The following ANAPC4 variants were observed in gnomAD, a reference collection of about 807,000 sequenced individuals.
ANAPC4 encodes the protein anaphase promoting complex subunit 4, also known as anaphase-promoting complex subunit 4.
ANAPC4 carries 63 observed loss-of-function variants against 119.8 expected under a neutral mutation model. The observed-to-expected ratio is 0.53, with a 90% confidence interval of 0.43 to 0.65. The LOEUF is 0.65. ANAPC4 is among the 30% of genes least tolerant of loss of function. The pLI is 0.00. For synonymous variants in ANAPC4, 283 were observed against 318.6 expected (o/e 0.89, Z 1.19); for missense variants, 716 against 945.1 (o/e 0.76, Z 3.18).
intron 18 of ANAPC4, 86 bp from the exon 19 acceptor site, chr4:25,406,743 A>G (rs1723271499): frequency 1.1e-5 from 11 of 1,034,780 alleles, no homozygotes; most frequent in Non-Finnish European, 1.4e-5. Flanking sequence ...GATAGTAAAA[A>G]TGTCACATTT....
At position 25,406,890 on chromosome 4, in the gene ANAPC4, G is replaced by A; in HGVS notation, c.1374+5G>A. 1.3e-6 allele frequency: 2 copies of A among 1,590,654 alleles called. No homozygotes were observed. Among genetic ancestry groups the A allele is most frequent in the African/African-American group, 1.3e-5 (1 of 74,304 alleles). On this transcript the variant is annotated splice_donor_5th_base_variant and intron_variant, in intron 19 of 28. Transcript: ENST00000315368. ...CTTACTGAACATTTCAATGAGGTAA[G>A]AAGTTGATATTTCTGTAATGCAGTT...
Position 25,394,723 on chromosome 4 carries a change from A to G in ANAPC4, c.984+10A>G, listed in dbSNP as rs757177507. The G allele has an allele frequency of 6.2e-7, 1 of 1,604,870 alleles. No homozygotes were observed. Among genetic ancestry groups the G allele is most frequent in the Non-Finnish European group, 8.5e-7 (1 of 1,177,398 alleles). ...TCAGTTAACAGTAAAGGTGCAGTTA[A>G]TGTATCTATGTATTCAAATGGCTAT... On this transcript the variant is annotated intron_variant, in intron 13 of 28. Coordinates refer to ENST00000315368, the MANE Select transcript of ANAPC4 (RefSeq NM_013367.3).
At position 25,380,502 on chromosome 4, in the gene ANAPC4, A is replaced by G. The variant is rs764838216; in HGVS notation, c.235+23A>G. 9 of 1,551,034 alleles carry G rather than the reference A, an allele frequency of 5.8e-6. No homozygotes were observed. In the African/African-American group the frequency reaches 1.2e-4, roughly 21 times the overall value. The stretch of plus-strand genomic sequence containing the variant: ...AACGTAATGATAATATTACAAAAAA[A>G]ATATGTTTTTATTTTCACAAAGAGT... On this transcript the variant is annotated intron_variant, in intron 3 of 28. Transcript: ENST00000315368.
chr4:25,383,445 T>C, intron 4 of ANAPC4, 52 bp downstream of exon 4: 2 of 1,485,902 alleles, frequency 1.3e-6, no homozygotes, highest in Non-Finnish European at 1.8e-6. Flanking sequence ...TTTTTATTTT[T>C]TGAAATGGAA....
intron 25 of ANAPC4, chr4:25,415,249 A>G (rs1723796125): frequency 2.4e-6 from 1 of 418,414 alleles, no homozygotes; most frequent in Non-Finnish European, 4.2e-6. Context: ...CGATGTAACC[A>G]AAAAGAAATA....
At chr4:25,397,840 T>C (rs972363129) in intron 16 of ANAPC4, among the ~76,000 whole-genome samples, 5 of 152,076 alleles carry the variant, frequency 3.3e-5, no homozygotes, top group Non-Finnish European at 7.4e-5. Flanking sequence ...TGTGGGCCTT[T>C]TAATTCATTG....
intron 4 of ANAPC4, 40 bp from the exon 5 acceptor site, chr4:25,388,460 C>G: frequency 7.4e-7 from 1 of 1,344,424 alleles, no homozygotes; most frequent in Non-Finnish European, 1.1e-6. Context: ...GAAGTAAAAT[C>G]TTTGGTGTTT....
chr4:25,378,572 A>G (rs1721541047), intron 2 of ANAPC4, among the ~76,000 whole-genome samples: 1 of 152,268 alleles, frequency 6.6e-6, no homozygotes. Context: ...CCGTGCAATC[A>G]GATGGGTAGG....
rs1057233366 is a variant in ANAPC4 at position 25,415,389 on chromosome 4, G to C, written c.1827-77G>C. The stretch of plus-strand genomic sequence containing the variant: ...TACATGTACTGACCCTGACAATCAT[G>C]TTCTTTTAAGCCTTTAGATTATTGA... On this transcript the variant is annotated intron_variant, in intron 25 of 28. Transcript: ENST00000315368. 78 of 1,134,786 alleles carry C rather than the reference G, an allele frequency of 6.9e-5. No homozygotes were observed. In the Middle Eastern group the frequency reaches 9.9e-4, roughly 14 times the overall value. 70.3% of individuals were successfully genotyped at this position (1,134,786 alleles called of 1,614,324 possible). A position where few individuals can be genotyped will look rare whatever the true frequency, so the allele number is the denominator to read the frequency against.
chr4:25,404,316 C>A (rs1383671422), intron 17 of ANAPC4, among the ~76,000 whole-genome samples: 1 of 152,084 alleles, frequency 6.6e-6, no homozygotes. Context: ...TGTTTAAGAT[C>A]CATGTTGTTA....
In ANAPC4 at chr4:25,377,406, G is replaced by A. The variant is rs373808140; in HGVS notation, c.-10-12G>A. 1.7e-5 allele frequency: 28 copies of A among 1,612,660 alleles called. No individual in the cohort carries two copies. In the African/African-American group the frequency reaches 3.7e-4, roughly 22 times the overall value. On this transcript the variant is annotated splice_polypyrimidine_tract_variant and intron_variant, in intron 1 of 28. Coordinates refer to ENST00000315368, the MANE Select transcript of ANAPC4 (RefSeq NM_013367.3). ...GGGCTCCTGCCGGCCTCTGACTGGG[G>A]TGTCGTTGCAGGGCCGTCCCCATGT... is the stretch of plus-strand genomic sequence containing the variant.
intron 28 of ANAPC4, 82 bp downstream of exon 28, chr4:25,417,821 T>C (rs1369200330): frequency 1.8e-5 from 27 of 1,508,508 alleles, no homozygotes; most frequent in Non-Finnish European, 2.4e-5. Context: ...AAATACATGA[T>C]ATATAAGGTC....
At chr4:25,394,099 G>A (rs1052456079) in intron 11 of ANAPC4, among the ~76,000 whole-genome samples, 1 of 152,198 alleles carries the variant, frequency 6.6e-6, no homozygotes, top group Admixed American at 6.5e-5. Context: ...GGACAGGATT[G>A]TGAAGTGGAG....
intron 12 of ANAPC4, 90 bp downstream of exon 12, chr4:25,394,464 AT>A (rs1281170565): frequency 8.4e-6 from 10 of 1,185,936 alleles, no homozygotes; most frequent in Non-Finnish European, 1.2e-5. Flanking sequence ...ATAGTATGTG[AT>A]TTTTTTAATT....
chr4:25,394,814 TC>T lies in ANAPC4; in HGVS notation c.985-13del, dbSNP rs748996019. 4.4e-6 allele frequency: 7 copies of T among 1,608,302 alleles called. No homozygotes were observed. Among genetic ancestry groups the T allele is most frequent in the Non-Finnish European group, 5.9e-6 (7 of 1,177,658 alleles). On this transcript the variant is annotated splice_polypyrimidine_tract_variant and intron_variant, in intron 13 of 28. Transcript: ENST00000315368. ...TCCTGATTGTATGCTAAATATATTT[TC>T]CTTTTTTAATTAGGGCTTGAAAAAG...
At chr4:25,390,794 C>A in intron 8 of ANAPC4, 117 bp from the exon 9 acceptor site, 1 of 703,498 alleles carries the variant, frequency 1.4e-6, no homozygotes, top group Non-Finnish European at 2.4e-6. Context: ...ATGTGTGTGG[C>A]TGGAGCTGGG....
intron 25 of ANAPC4, 32 bp from the exon 26 acceptor site, chr4:25,415,434 G>C: frequency 6.4e-7 from 1 of 1,551,616 alleles, no homozygotes. Context: ...TTGTTCCACA[G>C]AGTCTCTTTT....
rs1479485970 is a variant in ANAPC4 at position 25,417,610 on chromosome 4, C to T, written c.2076-6C>T. 11 of 1,585,752 alleles carry T rather than the reference C, an allele frequency of 6.9e-6. No homozygotes were observed. The highest frequency in any genetic ancestry group is 3.7e-5 in the Admixed American group (2 of 53,412). On this transcript the variant is annotated splice_polypyrimidine_tract_variant and splice_region_variant and intron_variant, in intron 27 of 28. Transcript: ENST00000315368. ...CATTCCTGAGTTGGTTTTTTTCCCT[C>T]TTTAGGCTAGATGAACAGTGTAGTG...
chr4:25,387,828 T>C (rs1722122803), intron 4 of ANAPC4, among the ~76,000 whole-genome samples: 1 of 152,152 alleles, frequency 6.6e-6, no homozygotes, highest in African/African-American at 2.4e-5. Flanking sequence ...GTATAAGTCA[T>C]AGAACCAATA....
Sources: allele counts gnomAD v4.1 joint callset (sites outside exome capture counted in the v4.1 genomes callset), GRCh38; gene constraint gnomAD v4.1.1; transcripts MANE v1.5; gene names NCBI Gene and HGNC (gene_info 2026-07-23, HGNC 2026-07-21).